The following DLGAP3 variants were observed in gnomAD, a reference collection of about 807,000 sequenced individuals.
DLGAP3 encodes disks large-associated protein 3.
Under a neutral mutation model 81.2 loss-of-function variants are expected in DLGAP3, and 17 were observed. The observed-to-expected ratio is 0.21, with a 90% confidence interval of 0.14 to 0.31. The LOEUF (loss-of-function observed/expected upper bound fraction) is 0.31, where lower values mean the gene tolerates loss of function less well. DLGAP3 is among the 10% of genes least tolerant of loss of function. The pLI, the probability that DLGAP3 is intolerant of heterozygous loss-of-function variation, is 1.00. For synonymous variants in DLGAP3, 577 were observed against 587.4 expected (o/e 0.98, Z 0.26); for missense variants, 1,124 against 1,388.0 (o/e 0.81, Z 3.02).
intron 5 of DLGAP3, among the ~76,000 whole-genome samples, chr1:34,897,228 G>A (rs573339007): frequency 1.3e-5 from 2 of 152,216 alleles, no homozygotes; most frequent in Admixed American, 6.5e-5. Flanking sequence ...CATACCTCCA[G>A]GCTAAATATG....
chr1:34,866,922 T>C (rs1342613411), intron 11 of DLGAP3, 126 bp downstream of exon 11: 1 of 1,131,210 alleles, frequency 8.8e-7, no homozygotes, highest in African/African-American at 1.5e-5. Context: ...CTATCACCTG[T>C]CCAAGGCTGC....
chr1:34,866,431 C>G (rs1036150804), intron 11 of DLGAP3, 130 bp from the exon 12 acceptor site: 21 of 731,062 alleles, frequency 2.9e-5, no homozygotes, highest in South Asian at 1.5e-4. Flanking sequence ...TCAGAATCCG[C>G]CACGGATCCC....
chr1:34,905,448 G>C lies in DLGAP3; in HGVS notation c.-51-14C>G. On this transcript the variant is annotated splice_polypyrimidine_tract_variant and intron_variant, in intron 2 of 11. Coordinates refer to ENST00000373347, the MANE Select transcript of DLGAP3 (RefSeq NM_001080418.3). ...CCCAGGAACCTCCTGGAAAAATAGG[G>C]AGAAAAGGTATTTGAATTGAACAGC... is the stretch of plus-strand genomic sequence containing the variant. 6.7e-7 allele frequency: 1 copy of C among 1,493,126 alleles called. No homozygotes were observed. Among genetic ancestry groups the C allele is most frequent in the South Asian group, 1.3e-5 (1 of 78,314 alleles). The allele number at this position is 1,493,126 out of a possible 1,614,324, so 92.5% of individuals were successfully genotyped here. A position where few individuals can be genotyped will look rare whatever the true frequency, so the allele number is the denominator to read the frequency against.
At chr1:34,926,297 T>C (rs1330987270) in intron 1 of DLGAP3, among the ~76,000 whole-genome samples, 3 of 152,182 alleles carry the variant, frequency 2.0e-5, no homozygotes, top group South Asian at 2.1e-4. Context: ...TAGGAAGAGA[T>C]GCTGCATGGA....
intron 1 of DLGAP3, among the ~76,000 whole-genome samples, chr1:34,918,222 C>T (rs750539921): frequency 3.9e-5 from 6 of 152,236 alleles, no homozygotes. Flanking sequence ...CAGCCTGCCA[C>T]CATCCACTGA....
intron 1 of DLGAP3, among the ~76,000 whole-genome samples, chr1:34,912,510 C>T (rs1403323015): frequency 6.6e-6 from 1 of 152,216 alleles, no homozygotes; most frequent in Non-Finnish European, 1.5e-5. Flanking sequence ...CAAACAGCAG[C>T]AAAATGTTAA....
At chr1:34,921,553 G>T (rs985279190) in intron 1 of DLGAP3, among the ~76,000 whole-genome samples, 3 of 152,056 alleles carry the variant, frequency 2.0e-5, no homozygotes, top group African/African-American at 4.8e-5. Flanking sequence ...TTGGTTCCAG[G>T]TCCTTTGCTC....
At chr1:34,892,311 G>A (rs1639321926) in intron 5 of DLGAP3, among the ~76,000 whole-genome samples, 1 of 152,052 alleles carries the variant, frequency 6.6e-6, no homozygotes, top group South Asian at 2.1e-4. Flanking sequence ...GAATAATGGA[G>A]AGAAAAAATA....
chr1:34,911,825 T>C (rs1286949286), intron 1 of DLGAP3, among the ~76,000 whole-genome samples: 1 of 152,238 alleles, frequency 6.6e-6, no homozygotes, highest in Non-Finnish European at 1.5e-5. Flanking sequence ...AGCAATTACC[T>C]TCCAGAAAAA....
intron 1 of DLGAP3, among the ~76,000 whole-genome samples, chr1:34,914,423 TGA>T (rs1464681863): frequency 6.6e-6 from 1 of 152,204 alleles, no homozygotes; most frequent in African/African-American, 2.4e-5. Flanking sequence ...TGCACACTGC[TGA>T]GAGAGAGGAC....
chr1:34,900,358 T>C lies in DLGAP3; in HGVS notation c.1108-85A>G. 7.2e-7 allele frequency: 1 copy of C among 1,395,960 alleles called. No homozygotes were observed. Among genetic ancestry groups the C allele is most frequent in the East Asian group, 2.3e-5 (1 of 43,910 alleles). 86.5% of individuals were successfully genotyped at this position (1,395,960 alleles called of 1,614,324 possible). ...CTCTTTCCCCACTGCCAGTGGGAGA[T>C]GCCCTGCCCTGGCTTGAACAGGCAC... On this transcript the variant is annotated intron_variant, in intron 3 of 11. Coordinates refer to ENST00000373347, the MANE Select transcript of DLGAP3 (RefSeq NM_001080418.3). This position sits in a 1 kb window ranked among gnomAD's most constrained non-coding sequence, Gnocchi z 5.6.
intron 6 of DLGAP3, 73 bp downstream of exon 6, chr1:34,885,998 AG>A: frequency 7.0e-7 from 1 of 1,435,216 alleles, no homozygotes. Context: ...AGCACAGTCG[AG>A]GGGGAGGCCA....
In DLGAP3 at chr1:34,866,224, C is replaced by T; in HGVS notation, c.2799G>A (p.Leu933=). 1.3e-6 allele frequency: 2 copies of T among 1,587,578 alleles called. No individual in the cohort carries two copies. The highest frequency in any genetic ancestry group is 1.7e-6 in the Non-Finnish European group (2 of 1,171,096). The change falls in exon 12 of 12, where the codon CTG becomes CTA. Residue 933 remains leucine (L), a synonymous_variant. Coordinates refer to ENST00000373347, the MANE Select transcript of DLGAP3 (RefSeq NM_001080418.3). The stretch of plus-strand genomic sequence containing the variant: ...CCTGCCGCTGCCGGTCCACGGAGTC[C>T]AGGGAGCGCTCCTTCACCGGCACGC... ...GRGVPVKERS[L]DSVDRQRQEA... is the part of the protein sequence containing the mutation.
At chr1:34,925,052 CG>C (rs1269067876) in intron 1 of DLGAP3, among the ~76,000 whole-genome samples, 1 of 152,160 alleles carries the variant, frequency 6.6e-6, no homozygotes, top group African/African-American at 2.4e-5. Flanking sequence ...GCGACATTGC[CG>C]GCCCCGGTAG....
At chr1:34,925,781 A>T (rs1639864590) in intron 1 of DLGAP3, among the ~76,000 whole-genome samples, 1 of 152,130 alleles carries the variant, frequency 6.6e-6, no homozygotes, top group African/African-American at 2.4e-5. Context: ...CCCCGACACC[A>T]TCCCCAGCCC....
chr1:34,928,642 G>T (rs965490705), intron 1 of DLGAP3, among the ~76,000 whole-genome samples: 1 of 152,022 alleles, frequency 6.6e-6, no homozygotes, highest in Non-Finnish European at 1.5e-5. Flanking sequence ...GGGGACAGTG[G>T]GGGGGACAGA....
chr1:34,916,810 C>T (rs192631859), intron 1 of DLGAP3, among the ~76,000 whole-genome samples: 175 of 152,158 alleles, frequency 1.2e-3, no homozygotes, highest in Non-Finnish European at 2.2e-3. Flanking sequence ...ATTCCCCTGC[C>T]TCAGCTTCCC....
chr1:34,890,028 A>C (rs1639289472), intron 5 of DLGAP3, among the ~76,000 whole-genome samples: 1 of 152,218 alleles, frequency 6.6e-6, no homozygotes. Context: ...ACCTTTGATG[A>C]AAATGTAGAC....
rs567717742 is a variant in DLGAP3 at position 34,905,339 on chromosome 1, G to A, written c.45C>T (p.Ala15=). 2.6e-6 allele frequency: 4 copies of A among 1,558,436 alleles called. No individual in the cohort carries two copies. The Admixed American group carries it at 7.7e-5, about 30-fold the overall frequency. ...HGDRGSHPRP[A]RFADQQHMDV... ...CCATATGCTGTTGGTCAGCAAAGCG[G>A]GCTGGGCGGGGATGGCTGCCTCGGT... Residue 15 remains alanine (A), a synonymous_variant, in exon 3 of 12, where the codon GCC becomes GCT. Coordinates refer to ENST00000373347, the MANE Select transcript of DLGAP3 (RefSeq NM_001080418.3).
Sources: gnomAD v4.1 joint callset for allele counts (sites outside exome capture counted in the v4.1 genomes callset) on GRCh38, gnomAD v4.1.1 for gene constraint, Gnocchi (gnomAD v3.1) non-coding constraint, MANE v1.5 for transcripts, NCBI Gene and HGNC (gene_info 2026-07-23, HGNC 2026-07-21) for gene names.